The following NR2C2 variants were observed in gnomAD, a reference collection of about 807,000 sequenced individuals.
NR2C2 encodes the protein nuclear receptor subfamily 2 group C member 2, also known as Nuclear hormone receptor TR4.
A neutral mutation model predicts 62.9 loss-of-function variants in NR2C2; 6 were observed. The ratio of observed to expected loss-of-function variants is 0.10; its 90% CI spans 0.05 to 0.19. The LOEUF is 0.19. Among genes scored for constraint, NR2C2 ranks in the 10% least tolerant of loss-of-function variants. The pLI is 1.00. For synonymous variants in NR2C2, 272 were observed against 273.8 expected (o/e 0.99, Z 0.07); for missense variants, 479 against 762.7 (o/e 0.63, Z 4.38).
intron 1 of NR2C2, among the ~76,000 whole-genome samples, chr3:14,973,655 G>A (rs1321212994): frequency 6.6e-6 from 1 of 152,108 alleles, no homozygotes; most frequent in African/African-American, 2.4e-5. Flanking sequence ...TGAATATCTA[G>A]TTGTCCCAGA....
Position 15,032,395 on chromosome 3 carries a change from C to T in NR2C2, c.1127C>T (p.Pro376Leu). The T allele has an allele frequency of 6.2e-7, 1 of 1,614,188 alleles. No individual in the cohort carries two copies. The highest frequency in any genetic ancestry group is 8.5e-7 in the Non-Finnish European group (1 of 1,180,020). Reference sequence around the variant, plus strand: ...CTTTTCCAGCTAACAATGCCCAGTCCAATGCCAGAGTACCTCAACGTGCAC... The same window carrying T: ...CTTTTCCAGCTAACAATGCCCAGTCTAATGCCAGAGTACCTCAACGTGCAC... ...HVTFKLTMPS[P>L]MPEYLNVHYI... Residue 376 changes from proline to leucine, a missense_variant, in exon 10 of 14, where the codon CCA (proline) becomes CTA (leucine). Physicochemically the swap from Pro to Leu is moderately conservative, Grantham distance 98 (BLOSUM62 -3). Coordinates refer to ENST00000425241, the MANE Select transcript of NR2C2 (RefSeq NM_001291694.2).
At chr3:14,966,320 GTTGAATAGGAAAGATAGGATC>G (rs543973343) in intron 1 of NR2C2, among the ~76,000 whole-genome samples, 180 of 152,378 alleles carry the variant, frequency 1.2e-3, no homozygotes, top group African/African-American at 4.1e-3. Flanking sequence ...GGCTACACTA[GTTGAATAGGAAAGATAGGATC>G]TTGGTAGAAA....
intron 1 of NR2C2, among the ~76,000 whole-genome samples, chr3:14,976,988 C>CA (rs2125313451): frequency 1.3e-5 from 2 of 152,278 alleles, no homozygotes; most frequent in African/African-American, 4.8e-5. Context: ...ACCGTGCACT[C>CA]AGAGGGTTCT....
chr3:15,041,810 T>C (rs1054133283), intron 13 of NR2C2, among the ~76,000 whole-genome samples: 1 of 152,104 alleles, frequency 6.6e-6, no homozygotes, highest in Non-Finnish European at 1.5e-5. Flanking sequence ...TGAGCTGTGA[T>C]CACATCACTC....
At chr3:14,971,829 A>G (rs1471150246) in intron 1 of NR2C2, among the ~76,000 whole-genome samples, 1 of 144,020 alleles carries the variant, frequency 6.9e-6, no homozygotes, top group African/African-American at 2.6e-5. Flanking sequence ...TTTTTTTGAG[A>G]CAGAGTTTCA....
intron 1 of NR2C2, among the ~76,000 whole-genome samples, chr3:14,983,123 T>A (rs2040420035): frequency 6.6e-6 from 1 of 152,194 alleles, no homozygotes; most frequent in Non-Finnish European, 1.5e-5. Context: ...ACATTCCAGT[T>A]GTACTCCCTC....
intron 2 of NR2C2, among the ~76,000 whole-genome samples, chr3:15,006,113 G>A (rs1470724977): frequency 1.3e-5 from 2 of 151,982 alleles, no homozygotes; most frequent in African/African-American, 2.4e-5. Flanking sequence ...AGGCTTTGGT[G>A]GGAGGATTGC....
chr3:14,999,737 T>C (rs768769210), intron 1 of NR2C2, among the ~76,000 whole-genome samples: 3 of 152,178 alleles, frequency 2.0e-5, no homozygotes, highest in Admixed American at 6.5e-5. Flanking sequence ...TTTCCACTTG[T>C]CCCATCACCA....
chr3:14,948,522 C>T (rs941921841), intron 1 of NR2C2: 20 of 144,882 alleles, frequency 1.4e-4, no homozygotes, highest in African/African-American at 4.9e-4. Flanking sequence ...GAGGGTGGTC[C>T]TTATGGGGCG....
intron 1 of NR2C2, among the ~76,000 whole-genome samples, chr3:14,960,332 C>G (rs1000821439): frequency 6.6e-6 from 1 of 152,148 alleles, no homozygotes; most frequent in Non-Finnish European, 1.5e-5. Context: ...TAAACTTAAA[C>G]AGATTTACTG....
At chr3:14,953,521 TTTG>T (rs1198197491) in intron 1 of NR2C2, among the ~76,000 whole-genome samples, 2 of 152,298 alleles carry the variant, frequency 1.3e-5, no homozygotes, top group East Asian at 3.9e-4. Flanking sequence ...TTTATTTACC[TTTG>T]TTGTTCATAT....
chr3:14,948,806 C>G (rs558181403), intron 1 of NR2C2: 1 of 152,386 alleles, frequency 6.6e-6, no homozygotes, highest in South Asian at 2.1e-4. Context: ...AGGGCTCCTG[C>G]TCGTTATTTC....
In NR2C2 at chr3:14,960,014, A is replaced by C. The variant is rs146509576; in HGVS notation, c.-40+12108A>C. 1.2e-3 allele frequency among the ~76,000 whole-genome samples: 184 copies of C among 152,344 alleles called. 2 individuals are homozygous for C. The highest frequency in any genetic ancestry group is 4.3e-3 in the African/African-American group (177 of 41,584). Reference sequence around the variant, plus strand: ...GGATTATCTACATGGGAAAAAAATTAGTTGGATCCTTACTTCTCATCAGAT... The same window carrying C: ...GGATTATCTACATGGGAAAAAAATTCGTTGGATCCTTACTTCTCATCAGAT... On this transcript the variant is annotated intron_variant, in intron 1 of 13. Transcript: ENST00000425241.
intron 11 of NR2C2, among the ~76,000 whole-genome samples, chr3:15,037,342 A>G (rs1367147562): frequency 6.6e-6 from 1 of 152,012 alleles, no homozygotes; most frequent in Non-Finnish European, 1.5e-5. Context: ...AAATATTGGG[A>G]CTAGAGAGGC....
intron 1 of NR2C2, among the ~76,000 whole-genome samples, chr3:14,955,973 A>G (rs190985691): frequency 1.3e-5 from 2 of 152,202 alleles, no homozygotes; most frequent in Non-Finnish European, 2.9e-5. Context: ...TACCATATAC[A>G]TATCATTGCT....
rs528389205 is a variant in NR2C2, at chr3:15,033,031, G to A, written c.1232+531G>A. Among the ~76,000 whole-genome samples the A allele has an allele frequency of 6.0e-5, 9 of 150,596 alleles. No individual in the cohort carries two copies. In the South Asian group the frequency reaches 8.4e-4, roughly 14 times the overall value. On this transcript the variant is annotated intron_variant, in intron 10 of 13. Coordinates refer to ENST00000425241, the MANE Select transcript of NR2C2 (RefSeq NM_001291694.2). Reference sequence around the variant, plus strand: ...TGTTTCTCCTCTAAATACCAGCATCGGCTCTGCCAGTGTGCCAAGTGCTGT... The same window carrying A: ...TGTTTCTCCTCTAAATACCAGCATCAGCTCTGCCAGTGTGCCAAGTGCTGT...
rs114499046 is a variant in NR2C2, at chr3:14,996,138, C to T, written c.-39-7738C>T. ...ATCAGTTTTCTTTTTCACTTTCTTA[C>T]CGTCTTGAAGCACAAAAGATTTTAA... On this transcript the variant is annotated intron_variant, in intron 1 of 13. Coordinates refer to ENST00000425241, the MANE Select transcript of NR2C2 (RefSeq NM_001291694.2). 1.4e-3 allele frequency among the ~76,000 whole-genome samples: 206 copies of T among 152,194 alleles called. 1 individual carries two copies. The highest frequency in any genetic ancestry group is 4.6e-3 in the African/African-American group (191 of 41,532).
intron 1 of NR2C2, among the ~76,000 whole-genome samples, chr3:14,984,610 T>C (rs1005618533): frequency 2.0e-5 from 3 of 152,216 alleles, no homozygotes; most frequent in Admixed American, 1.3e-4. Flanking sequence ...TTGAGACTCA[T>C]CCGTATTGTT....
intron 1 of NR2C2, chr3:14,948,514 G>A (rs930041416): frequency 6.6e-6 from 1 of 152,394 alleles, no homozygotes. Context: ...AGGCGGAAGA[G>A]GGTGGTCCTT....
Sources: gnomAD v4.1 joint callset for allele counts (sites outside exome capture counted in the v4.1 genomes callset) on GRCh38, gnomAD v4.1.1 for gene constraint, MANE v1.5 for transcripts, NCBI Gene and HGNC (gene_info 2026-07-23, HGNC 2026-07-21) for gene names.